The following RORA variants were observed in gnomAD, a reference collection of about 807,000 sequenced individuals.
The protein encoded by RORA is RAR related orphan receptor A.
A neutral mutation model predicts 69.5 loss-of-function variants in RORA; 7 were observed. That is an observed-to-expected ratio of 0.10 (90% confidence interval 0.06 to 0.19). The LOEUF is 0.19. Ranked by LOEUF, RORA falls within the 10% of genes least tolerant of loss-of-function variation. The pLI, the probability that RORA is intolerant of heterozygous loss-of-function variation, is 1.00. For synonymous variants in RORA, 261 were observed against 240.8 expected (o/e 1.08, Z -0.78); for missense variants, 457 against 663.0 (o/e 0.69, Z 3.41).
At chr15:60,910,904 GTT>G (rs35069957) in intron 1 of RORA, among the ~76,000 whole-genome samples, 43 of 125,206 alleles carry the variant, frequency 3.4e-4, no homozygotes, top group Non-Finnish European at 4.9e-4. Flanking sequence ...TGTTTTTTGG[GTT>G]TTTTTTTTTT....
At chr15:60,705,573 G>A (rs1395185614) in intron 1 of RORA, among the ~76,000 whole-genome samples, 1 of 152,168 alleles carries the variant, frequency 6.6e-6, no homozygotes, top group African/African-American at 2.4e-5. Flanking sequence ...GTCGAGACAA[G>A]GCCATTTTCT....
chr15:61,023,992 T>A (rs142398314), intron 1 of RORA, among the ~76,000 whole-genome samples: 43 of 151,436 alleles, frequency 2.8e-4, no homozygotes, highest in African/African-American at 9.4e-4. Flanking sequence ...GGGGACCCAT[T>A]AAGAGTCTAT....
intron 1 of RORA, among the ~76,000 whole-genome samples, chr15:61,149,974 C>T (rs2079383924): frequency 6.6e-6 from 1 of 152,168 alleles, no homozygotes. Context: ...TTCACCTTTC[C>T]AGTGAAACAG....
At chr15:61,218,532 T>C (rs1339937133) in intron 1 of RORA, among the ~76,000 whole-genome samples, 1 of 152,086 alleles carries the variant, frequency 6.6e-6, no homozygotes, top group African/African-American at 2.4e-5. Context: ...AAAAGTAACA[T>C]ATACATAATG....
At chr15:61,175,756 C>T (rs950966793) in intron 1 of RORA, among the ~76,000 whole-genome samples, 12 of 152,022 alleles carry the variant, frequency 7.9e-5, no homozygotes, top group African/African-American at 2.9e-4. Flanking sequence ...TGAGGCTCAC[C>T]AAAGTTATGT....
At chr15:60,789,989 A>G (rs922709331) in intron 1 of RORA, among the ~76,000 whole-genome samples, 1 of 152,240 alleles carries the variant, frequency 6.6e-6, no homozygotes, top group African/African-American at 2.4e-5. Flanking sequence ...AGATGATACA[A>G]CCGATAAGTG....
At position 60,839,025 on chromosome 15, in the gene RORA, A is replaced by G. The variant is rs534195624; in HGVS notation, c.167-160339T>C. On this transcript the variant is annotated intron_variant, in intron 1 of 10. Transcript: ENST00000335670. Reference sequence around the variant, plus strand: ...TGCCTCAGCCTCCTGAATAGCTGGGACTACAGGCGCCCGCCACCACACCCA... The same window carrying G: ...TGCCTCAGCCTCCTGAATAGCTGGGGCTACAGGCGCCCGCCACCACACCCA... Among the ~76,000 whole-genome samples the G allele has an allele frequency of 2.0e-5, 3 of 152,036 alleles. No individual in the cohort carries two copies. In the East Asian group the frequency reaches 5.8e-4, roughly 30 times the overall value.
At chr15:61,074,004 G>T (rs984166346) in intron 1 of RORA, among the ~76,000 whole-genome samples, 3 of 152,138 alleles carry the variant, frequency 2.0e-5, no homozygotes, top group African/African-American at 7.2e-5. Flanking sequence ...GATAAAATGT[G>T]GGGTGGCTCA....
intron 1 of RORA, among the ~76,000 whole-genome samples, chr15:60,698,586 C>G (rs2070938136): frequency 6.8e-6 from 1 of 147,696 alleles, no homozygotes; most frequent in South Asian, 2.1e-4. Context: ...AAAAGTAATT[C>G]TACTATAAAT....
At chr15:60,846,718 C>T (rs948357085) in intron 1 of RORA, among the ~76,000 whole-genome samples, 4 of 152,204 alleles carry the variant, frequency 2.6e-5, no homozygotes, top group African/African-American at 7.2e-5. Context: ...AATCCATCAT[C>T]GGAAAGAAAC....
chr15:61,006,245 G>T (rs1031198027), intron 1 of RORA, among the ~76,000 whole-genome samples: 1 of 151,970 alleles, frequency 6.6e-6, no homozygotes, highest in Non-Finnish European at 1.5e-5. Context: ...GGGATTACAG[G>T]CATGAGCCAC....
At chr15:60,852,851 G>GA (rs201090330) in intron 1 of RORA, among the ~76,000 whole-genome samples, 27 of 147,974 alleles carry the variant, frequency 1.8e-4, no homozygotes, top group Middle Eastern at 3.5e-3. Context: ...AATGTCATTT[G>GA]AAAAAAAAAA....
chr15:60,542,620 GCACACATGCACACCTCACACACGA>G (rs796216118), intron 2 of RORA, among the ~76,000 whole-genome samples: 11,701 of 115,234 alleles, frequency 0.1, 645 homozygotes, highest in African/African-American at 0.13. Context: ...CTCACACACG[GCACACATGCACACCTCACACACGA>G]CACACGGGCA....
intron 1 of RORA, among the ~76,000 whole-genome samples, chr15:60,885,120 C>T (rs750967501): frequency 6.6e-6 from 1 of 152,162 alleles, no homozygotes; most frequent in Non-Finnish European, 1.5e-5. Context: ...GGTTTGATTT[C>T]CACTGGCCTT....
intron 1 of RORA, among the ~76,000 whole-genome samples, chr15:61,135,019 T>C (rs954077689): frequency 6.6e-6 from 1 of 151,750 alleles, no homozygotes; most frequent in South Asian, 2.1e-4. Context: ...CTGAGAGATT[T>C]CAAGCAAAAA....
chr15:61,145,673 C>G (rs917609286), intron 1 of RORA, among the ~76,000 whole-genome samples: 2 of 152,174 alleles, frequency 1.3e-5, no homozygotes, highest in African/African-American at 4.8e-5. Flanking sequence ...CTTTTGAATA[C>G]ACTTCAATCC....
At chr15:60,935,863 C>T (rs1892504528) in intron 1 of RORA, among the ~76,000 whole-genome samples, 1 of 152,208 alleles carries the variant, frequency 6.6e-6, no homozygotes, top group African/African-American at 2.4e-5. Flanking sequence ...AGACGTGTAT[C>T]TTCCCAAAAG....
At chr15:60,748,230 T>C (rs537487309) in intron 1 of RORA, among the ~76,000 whole-genome samples, 2 of 151,344 alleles carry the variant, frequency 1.3e-5, no homozygotes, top group African/African-American at 4.8e-5. Flanking sequence ...TGTTTGCACA[T>C]GTGTGCACAT....
intron 1 of RORA, among the ~76,000 whole-genome samples, chr15:60,787,396 C>T (rs1595714588): frequency 6.6e-6 from 1 of 152,230 alleles, no homozygotes; most frequent in Non-Finnish European, 1.5e-5. Flanking sequence ...CATTTCTTCA[C>T]AACATTTCCC....
Sources: gnomAD v4.1 joint callset for allele counts (sites outside exome capture counted in the v4.1 genomes callset) on GRCh38, gnomAD v4.1.1 for gene constraint, MANE v1.5 for transcripts, NCBI Gene and HGNC (gene_info 2026-07-23, HGNC 2026-07-21) for gene names.